Variants in CFAP70 observed in about 807,000 individuals in gnomAD.
The protein encoded by CFAP70 is cilia and flagella associated protein 70.
Under a neutral mutation model 137.6 loss-of-function variants are expected in CFAP70, and 81 were observed. The observed-to-expected ratio is 0.59, with a 90% CI of 0.49 to 0.71. The LOEUF is 0.71. Ranked by LOEUF, CFAP70 falls within the 30% of genes least tolerant of loss-of-function variation. The pLI is 0.00. For synonymous variants in CFAP70, 382 were observed against 423.6 expected (o/e 0.90, Z 1.20); for missense variants, 976 against 1,226.7 (o/e 0.80, Z 3.05).
At chr10:73,278,088 A>G in intron 20 of CFAP70, 91 bp downstream of exon 21, 1 of 1,312,408 alleles carries the variant, frequency 7.6e-7, no homozygotes, top group Non-Finnish European at 1.1e-6. Context: ...AACTTCAAAC[A>G]AGTCAGGATT....
chr10:73,315,743 T>C (rs2050288643), intron 9 of CFAP70, among the ~76,000 whole-genome samples: 1 of 152,108 alleles, frequency 6.6e-6, no homozygotes. Context: ...CTTTTTTATT[T>C]TTTGTAGAGA....
chr10:73,276,393 T>C (rs2046741896), intron 21 of CFAP70: 1 of 152,220 alleles, frequency 6.6e-6, no homozygotes, highest in Non-Finnish European at 1.5e-5. Flanking sequence ...TACTTACACC[T>C]TTTTAGGAGA....
chr10:73,309,981 A>G (rs1026735883), intron 12 of CFAP70, among the ~76,000 whole-genome samples, 177 bp downstream of exon 13: 2 of 152,178 alleles, frequency 1.3e-5, no homozygotes, highest in Non-Finnish European at 2.9e-5. Flanking sequence ...TATAGTGAGC[A>G]TGCAATGCTT....
At chr10:73,259,241 C>T (rs1174384278) in intron 25 of CFAP70, among the ~76,000 whole-genome samples, 1 of 152,118 alleles carries the variant, frequency 6.6e-6, no homozygotes, top group Non-Finnish European at 1.5e-5. Flanking sequence ...TAGAAAAAAA[C>T]CTACATTGAA....
At chr10:73,307,102 G>A (rs188996272) in intron 12 of CFAP70, among the ~76,000 whole-genome samples, 100 of 152,242 alleles carry the variant, frequency 6.6e-4, no homozygotes, top group Non-Finnish European at 1.1e-3. Context: ...ATGTATAGGA[G>A]CAGAGTGTAT....
intron 22 of CFAP70, chr10:73,274,896 A>G (rs1306698790): frequency 3.8e-6 from 1 of 266,048 alleles, no homozygotes; most frequent in Non-Finnish European, 6.9e-6. Context: ...ATGAGAAAAT[A>G]TAAGAAATCT....
At chr10:73,304,704 TAATA>T (rs776156667) in intron 12 of CFAP70, among the ~76,000 whole-genome samples, 2 of 152,160 alleles carry the variant, frequency 1.3e-5, no homozygotes, top group Non-Finnish European at 2.9e-5. Context: ...AAAATACATG[TAATA>T]AATAGTCTCC....
At position 73,283,992 on chromosome 10, in the gene CFAP70, C is replaced by T. The variant is rs549083252; in HGVS notation, c.2240-5655G>A. On this transcript the variant is annotated intron_variant, in intron 19 of 26. Coordinates refer to ENST00000310715, the Ensembl canonical transcript of CFAP70. ...GCATTGAATGTAATTATGTTAGTTT[C>T]CTATTGCTGCTGTAACAAATTACTA... Among the ~76,000 whole-genome samples the T allele has an allele frequency of 1.9e-4, 29 of 152,284 alleles. No homozygotes were observed. The South Asian group carries it at 6.0e-3, about 32-fold the overall frequency.
At chr10:73,256,997 T>C (rs554362182) in intron 25 of CFAP70, among the ~76,000 whole-genome samples, 2 of 151,894 alleles carry the variant, frequency 1.3e-5, no homozygotes, top group East Asian at 3.9e-4. Context: ...GAAAGCACCA[T>C]GAGTCATTTG....
At chr10:73,304,129 TC>T (rs2132027508) in intron 12 of CFAP70, among the ~76,000 whole-genome samples, 1 of 152,244 alleles carries the variant, frequency 6.6e-6, no homozygotes, top group South Asian at 2.1e-4. Flanking sequence ...TGATCTCAGC[TC>T]ACTGCAACCT....
At chr10:73,351,071 GTATATATATATATA>G (rs1158760266) in intron 3 of CFAP70, among the ~76,000 whole-genome samples, 1,148 of 31,358 alleles carry the variant, frequency 0.037, 47 homozygotes, top group African/African-American at 0.09. Flanking sequence ...GTGTGTGTGT[GTATATATATATATA>G]TATATATATA....
chr10:73,307,104 A>C (rs952133454), intron 12 of CFAP70, among the ~76,000 whole-genome samples: 6 of 152,228 alleles, frequency 3.9e-5, no homozygotes, highest in African/African-American at 9.6e-5. Context: ...GTATAGGAGC[A>C]GAGTGTATAG....
intron 3 of CFAP70, among the ~76,000 whole-genome samples, chr10:73,349,840 CT>C (rs1413287115): frequency 6.6e-6 from 1 of 152,112 alleles, no homozygotes; most frequent in African/African-American, 2.4e-5. Context: ...ATCATATTTG[CT>C]TTGTTTGCTG....
chr10:73,309,690 T>C (rs903177885), intron 12 of CFAP70, among the ~76,000 whole-genome samples: 3 of 142,786 alleles, frequency 2.1e-5, no homozygotes, highest in Non-Finnish European at 4.5e-5. Context: ...AGAGTCTTTC[T>C]CTGTCTCTCA....
chr10:73,353,796 A>G lies in CFAP70; in HGVS notation c.64-54T>C, dbSNP rs1264113488. 1.9e-6 allele frequency: 3 copies of G among 1,559,644 alleles called. No homozygotes were observed. The Admixed American group carries it at 5.5e-5, about 29-fold the overall frequency. Reference sequence around the variant, plus strand: ...TTATATTCAAATAGAGAATTTTCCCACACATCTGGTAACCCATTTTGATTT... The same window carrying G: ...TTATATTCAAATAGAGAATTTTCCCGCACATCTGGTAACCCATTTTGATTT... On this transcript the variant is annotated intron_variant, in intron 2 of 26. Coordinates refer to ENST00000310715, the Ensembl canonical transcript of CFAP70.
At chr10:73,260,553 C>T (rs571915411) in intron 25 of CFAP70, among the ~76,000 whole-genome samples, 12 of 152,182 alleles carry the variant, frequency 7.9e-5, no homozygotes, top group African/African-American at 2.2e-4. Flanking sequence ...CTAATTTTAA[C>T]GTTATGTTGT....
At chr10:73,289,257 C>A (rs2047976126) in intron 19 of CFAP70, among the ~76,000 whole-genome samples, 1 of 151,992 alleles carries the variant, frequency 6.6e-6, no homozygotes, top group South Asian at 2.1e-4. Context: ...ACTTTAGAAG[C>A]ATAAATCAAT....
At chr10:73,330,981 C>T (rs755463099) in intron 8 of CFAP70, among the ~76,000 whole-genome samples, 196 bp downstream of exon 9, 7 of 152,180 alleles carry the variant, frequency 4.6e-5, no homozygotes, top group Non-Finnish European at 1.0e-4. Context: ...GTTTTTCCCA[C>T]GACAGAGGAT....
intron 3 of CFAP70, among the ~76,000 whole-genome samples, chr10:73,350,957 ATG>A (rs2054146939): frequency 7.0e-6 from 1 of 142,698 alleles, no homozygotes; most frequent in African/African-American, 2.6e-5. Context: ...GTGTGTGTGT[ATG>A]TGTGTGTATA....
Sources: gnomAD v4.1 joint callset for allele counts (sites outside exome capture counted in the v4.1 genomes callset) on GRCh38, gnomAD v4.1.1 for gene constraint, MANE v1.5 for transcripts, NCBI Gene and HGNC (gene_info 2026-07-23, HGNC 2026-07-21) for gene names.